PRKN: variants seen among roughly 807,000 people sequenced by gnomAD.
PRKN encodes the protein E3 ubiquitin-protein ligase parkin.
In PRKN, 56 loss-of-function variants were observed where a neutral mutation model predicts 59.5. The observed-to-expected ratio is 0.94, with a 90% CI of 0.76 to 1.18. The LOEUF (loss-of-function observed/expected upper bound fraction) is 1.18. PRKN is among the 50% of genes most tolerant of loss of function. The pLI is 0.00. For missense variants in PRKN, 657 were observed against 596.4 expected (o/e 1.10, Z -1.06); for synonymous variants, 250 against 222.1 (o/e 1.13, Z -1.12).
chr6:161,754,733 C>T (rs1340515327), intron 7 of PRKN, among the ~76,000 whole-genome samples: 1 of 152,172 alleles, frequency 6.6e-6, no homozygotes, highest in East Asian at 1.9e-4. Flanking sequence ...AACGAATATT[C>T]AATATCCCTA....
intron 7 of PRKN, among the ~76,000 whole-genome samples, chr6:161,733,325 G>T (rs1427394294): frequency 6.6e-6 from 1 of 152,062 alleles, no homozygotes; most frequent in Non-Finnish European, 1.5e-5. Context: ...CCCTTTGCAG[G>T]TTTATAATTT....
rs1196017892 is a variant in PRKN at position 161,349,266 on chromosome 6, T to A, written c.*833A>T. On this transcript the variant is annotated 3_prime_UTR_variant, in exon 12 of 12. Coordinates refer to ENST00000366898, the MANE Select transcript of PRKN (RefSeq NM_004562.3). This position sits in a 1 kb window ranked among gnomAD's most constrained non-coding sequence, Gnocchi z 5.5. ...TTAGCAAAATCTCCAAGTTGCAAAA[T>A]GAATACTCAGAATCAAACTATAGAT... 1 of 225,256 alleles carries A rather than the reference T, an allele frequency of 4.4e-6. No homozygotes were observed. Among genetic ancestry groups the A allele is most frequent in the East Asian group, 6.5e-5 (1 of 15,384 alleles). The allele number at this position is 225,256 out of a possible 1,614,324, so 14.0% of individuals were successfully genotyped here.
At chr6:161,887,282 C>G (rs1421564427) in intron 6 of PRKN, among the ~76,000 whole-genome samples, 2 of 152,102 alleles carry the variant, frequency 1.3e-5, no homozygotes, top group Admixed American at 1.3e-4. Flanking sequence ...AGAGTATTCA[C>G]TCAATGTATG....
In PRKN at chr6:161,480,831, A is replaced by C. The variant is rs1172483599; in HGVS notation, c.1083+68023T>G. On this transcript the variant is annotated intron_variant, in intron 9 of 11. Transcript: ENST00000366898. This position sits in a 1 kb window ranked among gnomAD's most constrained non-coding sequence, Gnocchi z 4.1. ...ATAAAGAAAAGCAGGCACCGCTTTT[A>C]ATTTCATTGCTATAACTAATTAGCA... Among the ~76,000 whole-genome samples, 1 of 152,260 alleles carries C rather than the reference A, an allele frequency of 6.6e-6. No individual in the cohort carries two copies. Among genetic ancestry groups the C allele is most frequent in the Non-Finnish European group, 1.5e-5 (1 of 68,042 alleles).
chr6:162,344,657 C>T (rs918933140), intron 2 of PRKN, among the ~76,000 whole-genome samples: 2 of 151,744 alleles, frequency 1.3e-5, no homozygotes, highest in Admixed American at 6.6e-5. Flanking sequence ...AGATATATTT[C>T]GCCCTGTCCT....
chr6:162,226,271 CAG>C (rs767402820), intron 3 of PRKN, among the ~76,000 whole-genome samples: 51 of 150,084 alleles, frequency 3.4e-4, no homozygotes, highest in Non-Finnish European at 2.7e-4. Context: ...GAGACAGATA[CAG>C]AGAGAGAGAG....
At chr6:161,720,207 A>G (rs1025822536) in intron 7 of PRKN, among the ~76,000 whole-genome samples, 1 of 152,236 alleles carries the variant, frequency 6.6e-6, no homozygotes, top group Non-Finnish European at 1.5e-5. Context: ...AAACATTATC[A>G]ACAATTAAAA....
intron 7 of PRKN, among the ~76,000 whole-genome samples, chr6:161,751,103 G>A (rs1382383505): frequency 1.3e-5 from 2 of 152,104 alleles, no homozygotes; most frequent in African/African-American, 4.8e-5. Flanking sequence ...GGTAGAATGA[G>A]TAAAAAAAAG....
chr6:161,350,313 G>A (rs1185730443), intron 11 of PRKN, 102 bp from the exon 12 acceptor site: 2 of 781,708 alleles, frequency 2.6e-6, no homozygotes, highest in Non-Finnish European at 4.4e-6. Context: ...CTTTCTGAGC[G>A]AATAATCACA....
At chr6:162,413,254 T>A (rs1421095724) in intron 2 of PRKN, among the ~76,000 whole-genome samples, 1 of 151,994 alleles carries the variant, frequency 6.6e-6, no homozygotes, top group Non-Finnish European at 1.5e-5. Context: ...TATCCTGGAG[T>A]CAGAACAAAT....
chr6:161,713,870 C>T (rs1416194922), intron 7 of PRKN, among the ~76,000 whole-genome samples: 1 of 152,034 alleles, frequency 6.6e-6, no homozygotes, highest in Admixed American at 6.6e-5. Context: ...ATGCTGTTCT[C>T]GTGGGAGTGA....
At chr6:161,664,723 A>G (rs1784663963) in intron 7 of PRKN, among the ~76,000 whole-genome samples, 1 of 152,186 alleles carries the variant, frequency 6.6e-6, no homozygotes, top group Non-Finnish European at 1.5e-5. Context: ...TTCAAAACAA[A>G]ACTGACCAAT....
chr6:161,364,823 C>G (rs772028415), intron 10 of PRKN, among the ~76,000 whole-genome samples: 15 of 151,332 alleles, frequency 9.9e-5, no homozygotes, highest in Non-Finnish European at 1.9e-4. Context: ...CCACACTACT[C>G]GAAAGGCTGA....
At chr6:161,596,614 T>G (rs562968433) in intron 7 of PRKN, among the ~76,000 whole-genome samples, 1 of 152,120 alleles carries the variant, frequency 6.6e-6, no homozygotes, top group Non-Finnish European at 1.5e-5. Context: ...CCTAGGAACA[T>G]TTAGCACACA....
At position 161,461,062 on chromosome 6, in the gene PRKN, G is replaced by C. The variant is rs1239852390; in HGVS notation, c.1084-74185C>G. ...GTGAGCCACCATGCCCGGTCCAAGA[G>C]TCATCTTTATCATAAGTACTTACTG... On this transcript the variant is annotated intron_variant, in intron 9 of 11. Transcript: ENST00000366898. This position sits in a 1 kb window ranked among gnomAD's most constrained non-coding sequence, Gnocchi z 5.1. Among the ~76,000 whole-genome samples, 2 of 151,940 alleles carry C rather than the reference G, an allele frequency of 1.3e-5. No homozygotes were observed. Among genetic ancestry groups the C allele is most frequent in the African/African-American group, 2.4e-5 (1 of 41,376 alleles).
chr6:162,411,073 C>G (rs995387949), intron 2 of PRKN, among the ~76,000 whole-genome samples: 1 of 152,130 alleles, frequency 6.6e-6, no homozygotes, highest in African/African-American at 2.4e-5. Context: ...GATCTACCTA[C>G]AGCGACATGT....
At chr6:162,223,248 C>T (rs971546713) in intron 3 of PRKN, among the ~76,000 whole-genome samples, 2 of 151,874 alleles carry the variant, frequency 1.3e-5, no homozygotes, top group African/African-American at 4.8e-5. Context: ...TTTCTTAATC[C>T]AGTCTATCAT....
intron 5 of PRKN, among the ~76,000 whole-genome samples, chr6:162,051,381 A>G (rs1777637988): frequency 6.6e-6 from 1 of 152,088 alleles, no homozygotes; most frequent in South Asian, 2.1e-4. Flanking sequence ...GTCACCCGGA[A>G]CTTCACAGGC....
At chr6:161,389,256 T>C (rs892655723) in intron 9 of PRKN, among the ~76,000 whole-genome samples, 1 of 152,240 alleles carries the variant, frequency 6.6e-6, no homozygotes, top group African/African-American at 2.4e-5. Context: ...CTACGTCCAA[T>C]TTCTTGTTTT....
Sources: allele counts gnomAD v4.1 joint callset (sites outside exome capture counted in the v4.1 genomes callset), GRCh38; gene constraint gnomAD v4.1.1; non-coding constraint Gnocchi (gnomAD v3.1); transcripts MANE v1.5; gene names NCBI Gene and HGNC (gene_info 2026-07-23, HGNC 2026-07-21).